TNRC6B: variants seen among roughly 807,000 people sequenced by gnomAD.
TNRC6B encodes the protein trinucleotide repeat containing adaptor 6B.
Under a neutral mutation model 203.6 loss-of-function variants are expected in TNRC6B, and 52 were observed. That is an observed-to-expected ratio of 0.26 (90% CI 0.20 to 0.32). The LOEUF is 0.32. Among genes scored for constraint, TNRC6B ranks in the 10% least tolerant of loss-of-function variants. The pLI is 1.00. For missense variants in TNRC6B, 1,923 were observed against 2,286.2 expected, an observed-to-expected ratio of 0.84 and a Z score of 3.24; for synonymous variants, 838 against 845.7, an observed-to-expected ratio of 0.99 and a Z score of 0.16.
intron 1 of TNRC6B, among the ~76,000 whole-genome samples, chr22:40,190,212 T>C (rs2069254028): frequency 6.6e-6 from 1 of 152,220 alleles, no homozygotes; most frequent in South Asian, 2.1e-4. Flanking sequence ...ACTCATCCTT[T>C]TAAAAAATTA....
At chr22:40,108,631 A>C (rs981019213) in intron 1 of TNRC6B, among the ~76,000 whole-genome samples, 12 of 152,320 alleles carry the variant, frequency 7.9e-5, no homozygotes, top group African/African-American at 2.9e-4. Flanking sequence ...TGATACTGCA[A>C]AAGATTGAAT....
intron 1 of TNRC6B, among the ~76,000 whole-genome samples, chr22:40,088,943 A>G (rs115880548): frequency 0.013 from 1,915 of 152,252 alleles, 47 homozygotes; most frequent in African/African-American, 0.043. Flanking sequence ...CGAACTTTAC[A>G]TTCTTAGTGG....
At chr22:40,208,006 C>G (rs924479206) in intron 1 of TNRC6B, among the ~76,000 whole-genome samples, 1 of 148,366 alleles carries the variant, frequency 6.7e-6, no homozygotes, top group Non-Finnish European at 1.5e-5. Context: ...CCCAGCTACT[C>G]GGGAGGCTGA....
At chr22:40,233,162 A>C (rs1414991816) in intron 1 of TNRC6B, among the ~76,000 whole-genome samples, 1 of 151,778 alleles carries the variant, frequency 6.6e-6, no homozygotes, top group Non-Finnish European at 1.5e-5. Context: ...GAAAAAAAGA[A>C]AAGAAAAGAA....
At chr22:40,167,101 G>A (rs890648680) in intron 4 of TNRC6B, among the ~76,000 whole-genome samples, 16 of 152,144 alleles carry the variant, frequency 1.1e-4, no homozygotes, top group African/African-American at 3.9e-4. Context: ...TTTCAGTCAT[G>A]ATAGAGTGAG....
intron 3 of TNRC6B, among the ~76,000 whole-genome samples, chr22:40,139,773 A>G (rs1298052247): frequency 1.3e-5 from 2 of 152,124 alleles, no homozygotes; most frequent in African/African-American, 4.8e-5. Flanking sequence ...TGTGGAATAT[A>G]TTTTCATTTC....
At chr22:40,305,788 A>G (rs2071081075) in intron 15 of TNRC6B, among the ~76,000 whole-genome samples, 1 of 152,134 alleles carries the variant, frequency 6.6e-6, no homozygotes, top group South Asian at 2.1e-4. Flanking sequence ...TCTAATGAGA[A>G]AAGTGCCCGC....
chr22:40,081,214 GC>G (rs2068061304), intron 1 of TNRC6B, among the ~76,000 whole-genome samples: 1 of 151,272 alleles, frequency 6.6e-6, no homozygotes, highest in Non-Finnish European at 1.5e-5. Flanking sequence ...CTAAGCCCTA[GC>G]CCAGTGTTAT....
At chr22:40,144,260 T>G (rs1438305085) in intron 3 of TNRC6B, among the ~76,000 whole-genome samples, 1 of 152,214 alleles carries the variant, frequency 6.6e-6, no homozygotes, top group African/African-American at 2.4e-5. Flanking sequence ...AAAAACACAT[T>G]ATATGAAAAT....
chr22:40,335,669 A>G lies in TNRC6B; in HGVS notation c.*12428A>G, dbSNP rs910059203. On this transcript the variant is annotated 3_prime_UTR_variant, in exon 23 of 23. Coordinates refer to ENST00000454349, the MANE Select transcript of TNRC6B (RefSeq NM_001162501.2). ...AAACAGCTTATTTTTGTTTTTGTTT[A>G]GTTTTTTTATTTTATTTTATTTTGG... 2.0e-5 allele frequency: 3 copies of G among 147,886 alleles called. No individual in the cohort carries two copies. The highest frequency in any genetic ancestry group is 7.5e-5 in the African/African-American group (3 of 40,124). 9.2% of individuals were successfully genotyped at this position (147,886 alleles called of 1,614,324 possible).
In TNRC6B at chr22:40,325,116, A is replaced by G. The variant is rs2071386629; in HGVS notation, c.*1875A>G. 1 of 152,632 alleles carries G rather than the reference A, an allele frequency of 6.6e-6. No homozygotes were observed. Among genetic ancestry groups the G allele is most frequent in the Admixed American group, 6.5e-5 (1 of 15,284 alleles). The allele number at this position is 152,632 out of a possible 1,614,324, so 9.5% of individuals were successfully genotyped here. On this transcript the variant is annotated 3_prime_UTR_variant, in exon 23 of 23. Transcript: ENST00000454349. ...TTATGCTGTTTAACATAAAGTGCCG[A>G]CATTTTGTACCAGCAAATACCTGCC...
chr22:40,168,458 C>G (rs2068941562), intron 4 of TNRC6B, among the ~76,000 whole-genome samples: 1 of 152,128 alleles, frequency 6.6e-6, no homozygotes, highest in African/African-American at 2.4e-5. Context: ...CCTGGAGTGT[C>G]AAGAAAGGCT....
chr22:40,263,135 A>G (rs2070412795), intron 4 of TNRC6B, among the ~76,000 whole-genome samples: 1 of 152,234 alleles, frequency 6.6e-6, no homozygotes, highest in African/African-American at 2.4e-5. Context: ...AAGTTTATTA[A>G]CAGATTTCAA....
At chr22:40,106,120 C>T (rs991925400) in intron 1 of TNRC6B, among the ~76,000 whole-genome samples, 44 of 151,888 alleles carry the variant, frequency 2.9e-4, no homozygotes, top group African/African-American at 1.1e-3. Flanking sequence ...GCCTCTTGCC[C>T]CTTTTCCTGT....
At chr22:40,086,938 G>C (rs1390297721) in intron 1 of TNRC6B, among the ~76,000 whole-genome samples, 5 of 151,854 alleles carry the variant, frequency 3.3e-5, no homozygotes, top group African/African-American at 1.2e-4. Flanking sequence ...TATAGCATTT[G>C]TTTGATGTAT....
chr22:40,130,511 G>A (rs1332669325), intron 3 of TNRC6B, among the ~76,000 whole-genome samples: 1 of 152,090 alleles, frequency 6.6e-6, no homozygotes, highest in Non-Finnish European at 1.5e-5. Flanking sequence ...GCCGGGCGCG[G>A]TGGCTCACGC....
chr22:40,217,972 C>CAA (rs138025), intron 1 of TNRC6B, among the ~76,000 whole-genome samples: 33,713 of 112,504 alleles, frequency 0.3, 5,769 homozygotes, highest in South Asian at 0.44. Flanking sequence ...GACTCCATCT[C>CAA]AAAAAAAAAA....
chr22:40,097,472 A>G (rs1365086948), intron 1 of TNRC6B, among the ~76,000 whole-genome samples: 1 of 152,040 alleles, frequency 6.6e-6, no homozygotes, highest in Non-Finnish European at 1.5e-5. Flanking sequence ...CACGCGGCCA[A>G]TTTTTAAAAA....
At chr22:40,052,635 G>T (rs1248971547) in intron 1 of TNRC6B, among the ~76,000 whole-genome samples, 1 of 151,798 alleles carries the variant, frequency 6.6e-6, no homozygotes, top group Non-Finnish European at 1.5e-5. Flanking sequence ...GTTTTGTAGA[G>T]ATGAGGTCTC....
Sources: gnomAD v4.1 joint callset for allele counts (sites outside exome capture counted in the v4.1 genomes callset) on GRCh38, gnomAD v4.1.1 for gene constraint, MANE v1.5 for transcripts, NCBI Gene and HGNC (gene_info 2026-07-23, HGNC 2026-07-21) for gene names.